KCNJ6: variants seen among roughly 807,000 people sequenced by gnomAD.
KCNJ6 encodes the protein G protein-activated inward rectifier potassium channel 2.
A neutral mutation model predicts 34.2 loss-of-function variants in KCNJ6; 9 were observed. The observed-to-expected ratio is 0.26, with a 90% CI of 0.16 to 0.46. The LOEUF (loss-of-function observed/expected upper bound fraction) is 0.46, where lower values mean the gene tolerates loss of function less well. KCNJ6 is among the 20% of genes least tolerant of loss of function. KCNJ6 has a pLI of 1.00. For synonymous variants in KCNJ6, 196 were observed against 207.1 expected, an observed-to-expected ratio of 0.95 and a Z score of 0.46; for missense variants, 236 against 531.3, an observed-to-expected ratio of 0.44 and a Z score of 5.46.
chr21:37,913,805 G>A (rs556481108), intron 1 of KCNJ6, among the ~76,000 whole-genome samples: 12 of 152,294 alleles, frequency 7.9e-5, no homozygotes, highest in Admixed American at 3.3e-4. Context: ...GTGACACAGC[G>A]AGACTCCGTC....
At chr21:37,625,855 C>A (rs770917112) in intron 3 of KCNJ6, among the ~76,000 whole-genome samples, 3 of 152,258 alleles carry the variant, frequency 2.0e-5, no homozygotes, top group Non-Finnish European at 2.9e-5. Flanking sequence ...CCTCCTACTG[C>A]TCTTGGAGGT....
At chr21:37,816,794 G>C (rs964216251) in intron 2 of KCNJ6, among the ~76,000 whole-genome samples, 1 of 152,170 alleles carries the variant, frequency 6.6e-6, no homozygotes, top group African/African-American at 2.4e-5. Flanking sequence ...CCCTACTTGA[G>C]GGTAGCTGGT....
At chr21:37,872,446 C>A (rs2055657344) in intron 1 of KCNJ6, among the ~76,000 whole-genome samples, 1 of 152,144 alleles carries the variant, frequency 6.6e-6, no homozygotes, top group Admixed American at 6.5e-5. Flanking sequence ...GGCACCTTGG[C>A]CACCAACAGG....
chr21:37,726,012 TCTC>T (rs2054852605), intron 2 of KCNJ6, among the ~76,000 whole-genome samples: 1 of 152,148 alleles, frequency 6.6e-6, no homozygotes, highest in East Asian at 1.9e-4. Context: ...TTCAAGCAAT[TCTC>T]CTGCTTCAGC....
chr21:37,902,674 G>C (rs1168506408), intron 1 of KCNJ6, among the ~76,000 whole-genome samples: 1 of 152,212 alleles, frequency 6.6e-6, no homozygotes, highest in Non-Finnish European at 1.5e-5. Context: ...GCATCTGGCA[G>C]AGAGAAGAAG....
chr21:37,813,377 G>C (rs1193679995), intron 2 of KCNJ6, among the ~76,000 whole-genome samples: 1 of 152,078 alleles, frequency 6.6e-6, no homozygotes, highest in African/African-American at 2.4e-5. Flanking sequence ...AAATACCAAT[G>C]ACATTCTTCA....
chr21:37,812,605 G>A (rs988195148), intron 2 of KCNJ6, among the ~76,000 whole-genome samples: 1 of 152,148 alleles, frequency 6.6e-6, no homozygotes, highest in Non-Finnish European at 1.5e-5. Flanking sequence ...TGCAAGGATG[G>A]TTCAACATAC....
At chr21:37,816,101 G>C (rs2055345594) in intron 2 of KCNJ6, among the ~76,000 whole-genome samples, 2 of 152,230 alleles carry the variant, frequency 1.3e-5, no homozygotes, top group African/African-American at 4.8e-5. Flanking sequence ...GCCGAGACCA[G>C]AGCAGTGTCA....
intron 1 of KCNJ6, among the ~76,000 whole-genome samples, chr21:37,898,086 G>A (rs1395494573): frequency 6.6e-6 from 1 of 152,168 alleles, no homozygotes; most frequent in Non-Finnish European, 1.5e-5. Flanking sequence ...TGGGAGGCTC[G>A]ATGAAGTATC....
chr21:37,814,535 G>A (rs1041468605), intron 2 of KCNJ6, among the ~76,000 whole-genome samples: 6 of 152,166 alleles, frequency 3.9e-5, no homozygotes, highest in Non-Finnish European at 8.8e-5. Flanking sequence ...CAACCTAAAT[G>A]TCTATCAACA....
chr21:37,624,904 T>C lies in KCNJ6; in HGVS notation c.*255A>G, dbSNP rs145986902. 2.3e-5 allele frequency: 12 copies of C among 515,970 alleles called. No individual in the cohort carries two copies. The highest frequency in any genetic ancestry group is 4.1e-5 in the Non-Finnish European group (12 of 291,078). The allele number at this position is 515,970 out of a possible 1,614,324, so 32.0% of individuals were successfully genotyped here. ...CTCCAGGAGTTGGATGTGTAGTATT[T>C]TGGGAGGAGACCAGGCTTGGGCCAC... On this transcript the variant is annotated 3_prime_UTR_variant, in exon 4 of 4. Coordinates refer to ENST00000609713, the MANE Select transcript of KCNJ6 (RefSeq NM_002240.5).
chr21:37,857,190 T>C (rs906772962), intron 1 of KCNJ6, among the ~76,000 whole-genome samples: 5 of 152,208 alleles, frequency 3.3e-5, no homozygotes, highest in African/African-American at 4.8e-5. Flanking sequence ...GATGCAACTA[T>C]GAAATGCCTA....
intron 2 of KCNJ6, among the ~76,000 whole-genome samples, chr21:37,797,209 C>T (rs1042234681): frequency 6.6e-6 from 1 of 152,010 alleles, no homozygotes; most frequent in Non-Finnish European, 1.5e-5. Context: ...TGCCACCATG[C>T]CTGTCTAGTT....
intron 2 of KCNJ6, among the ~76,000 whole-genome samples, chr21:37,768,087 T>C (rs2055100055): frequency 6.6e-6 from 1 of 151,494 alleles, no homozygotes; most frequent in East Asian, 1.9e-4. Flanking sequence ...GTATGGACTT[T>C]TTTTTTTTTT....
chr21:37,639,028 A>G (rs536313401), intron 3 of KCNJ6, among the ~76,000 whole-genome samples: 131 of 152,306 alleles, frequency 8.6e-4, no homozygotes, highest in African/African-American at 3.0e-3. Flanking sequence ...ATCCCATGTC[A>G]CCTTATTTAG....
At chr21:37,699,850 A>G (rs914309120) in intron 3 of KCNJ6, among the ~76,000 whole-genome samples, 2 of 152,196 alleles carry the variant, frequency 1.3e-5, no homozygotes, top group Non-Finnish European at 2.9e-5. Context: ...AGGGGAACCT[A>G]TAGAATAGAC....
intron 3 of KCNJ6, among the ~76,000 whole-genome samples, chr21:37,635,663 A>G (rs2123371940): frequency 6.6e-6 from 1 of 151,312 alleles, no homozygotes; most frequent in African/African-American, 2.4e-5. Flanking sequence ...GATTACAGGC[A>G]TGTGCCACCA....
At chr21:37,854,398 C>T (rs961759492) in intron 1 of KCNJ6, among the ~76,000 whole-genome samples, 8 of 151,518 alleles carry the variant, frequency 5.3e-5, no homozygotes, top group East Asian at 1.9e-4. Context: ...GTAAGCCAGG[C>T]GCAGAAAGAA....
At chr21:37,914,165 T>C (rs1015005765) in intron 1 of KCNJ6, among the ~76,000 whole-genome samples, 112 of 152,232 alleles carry the variant, frequency 7.4e-4, no homozygotes, top group African/African-American at 2.5e-3. Flanking sequence ...GGTCCTCTGA[T>C]GCACCGCCAT....
Sources: allele counts gnomAD v4.1 joint callset (sites outside exome capture counted in the v4.1 genomes callset), GRCh38; gene constraint gnomAD v4.1.1; transcripts MANE v1.5; gene names NCBI Gene and HGNC (gene_info 2026-07-23, HGNC 2026-07-21).